The following CSMD1 variants were observed in gnomAD, a reference collection of about 807,000 sequenced individuals.
CSMD1 encodes CUB and Sushi multiple domains 1.
Under a neutral mutation model 417.5 loss-of-function variants are expected in CSMD1, and 213 were observed. That is an observed-to-expected ratio of 0.51 (90% confidence interval 0.46 to 0.57). The LOEUF (loss-of-function observed/expected upper bound fraction) is 0.57, where lower values mean the gene tolerates loss of function less well. CSMD1 is among the 20% of genes least tolerant of loss of function. The pLI, the probability that CSMD1 is intolerant of heterozygous loss-of-function variation, is 0.00. For synonymous variants in CSMD1, 2,862 were observed against 1,736.8 expected, an observed-to-expected ratio of 1.65 and a Z score of -16.11; for missense variants, 6,923 against 4,529.7, an observed-to-expected ratio of 1.53 and a Z score of -15.17.
chr8:3,384,024 A>C (rs983985149), intron 18 of CSMD1, among the ~76,000 whole-genome samples: 3 of 152,074 alleles, frequency 2.0e-5, no homozygotes, highest in African/African-American at 7.2e-5. Context: ...AGTGCCAGAC[A>C]ATTAAGGTTC....
chr8:4,407,335 T>C (rs919233249), intron 3 of CSMD1, among the ~76,000 whole-genome samples: 3 of 152,208 alleles, frequency 2.0e-5, no homozygotes, highest in East Asian at 1.9e-4. Context: ...TGAAAACATA[T>C]ACAATAACTT....
intron 1 of CSMD1, among the ~76,000 whole-genome samples, chr8:4,884,334 G>A (rs1428256684): frequency 6.6e-6 from 1 of 151,866 alleles, no homozygotes; most frequent in African/African-American, 2.4e-5. Context: ...TTATCTTTGT[G>A]TTTTCCTGAT....
intron 3 of CSMD1, among the ~76,000 whole-genome samples, chr8:4,383,056 T>C (rs1315041138): frequency 2.6e-5 from 4 of 152,176 alleles, no homozygotes; most frequent in Non-Finnish European, 5.9e-5. Flanking sequence ...GCATTAGGAT[T>C]CGGGAGTAAT....
chr8:3,527,922 G>C, intron 10 of CSMD1, among the ~76,000 whole-genome samples: 1 of 152,164 alleles, frequency 6.6e-6, no homozygotes, highest in Non-Finnish European at 1.5e-5. Context: ...CTTGGTTGTA[G>C]GGCAGTTCTG....
intron 3 of CSMD1, among the ~76,000 whole-genome samples, chr8:4,348,940 C>G (rs541123488): frequency 1.3e-5 from 2 of 152,152 alleles, no homozygotes; most frequent in Non-Finnish European, 2.9e-5. Flanking sequence ...CTTAACCAGA[C>G]AGTGCCCTCA....
At chr8:3,138,846 G>A (rs978611956) in intron 41 of CSMD1, among the ~76,000 whole-genome samples, 9 of 152,178 alleles carry the variant, frequency 5.9e-5, no homozygotes, top group Non-Finnish European at 1.2e-4. Context: ...ACGATTTCCT[G>A]AAAATCTAAG....
chr8:4,975,512 C>T (rs187531359), intron 1 of CSMD1, among the ~76,000 whole-genome samples: 181 of 152,190 alleles, frequency 1.2e-3, no homozygotes, highest in African/African-American at 4.2e-3. Context: ...AGCAAAAGGC[C>T]AAATCACTTA....
At chr8:3,706,113 G>A (rs1398398687) in intron 7 of CSMD1, among the ~76,000 whole-genome samples, 1 of 152,216 alleles carries the variant, frequency 6.6e-6, no homozygotes, top group Admixed American at 6.5e-5. Flanking sequence ...CCTACCGTTC[G>A]CCCCGTGTGG....
intron 3 of CSMD1, among the ~76,000 whole-genome samples, chr8:4,381,610 G>C (rs748887437): frequency 2.6e-5 from 4 of 151,984 alleles, no homozygotes; most frequent in Non-Finnish European, 5.9e-5. Context: ...TTCCCGCCCT[G>C]AACACCCACT....
chr8:3,529,737 G>T (rs866778515), intron 10 of CSMD1, among the ~76,000 whole-genome samples: 1 of 152,052 alleles, frequency 6.6e-6, no homozygotes, highest in Non-Finnish European at 1.5e-5. Context: ...TTTACTCACA[G>T]GAAACGGAAT....
intron 1 of CSMD1, among the ~76,000 whole-genome samples, chr8:4,648,389 TG>T (rs1803673303): frequency 6.6e-6 from 1 of 152,154 alleles, no homozygotes; most frequent in African/African-American, 2.4e-5. Context: ...TGTCACCAAG[TG>T]GCCCCTAATG....
chr8:3,287,759 T>C (rs1043357301), intron 25 of CSMD1, among the ~76,000 whole-genome samples: 1 of 152,110 alleles, frequency 6.6e-6, no homozygotes, highest in Non-Finnish European at 1.5e-5. Context: ...CAGGGACAAT[T>C]TGACTTCCTC....
At chr8:4,836,010 G>A (rs771483694) in intron 1 of CSMD1, among the ~76,000 whole-genome samples, 5 of 152,050 alleles carry the variant, frequency 3.3e-5, no homozygotes, top group Admixed American at 6.6e-5. Flanking sequence ...TTCTAACTAG[G>A]ATGTGAAAAA....
chr8:3,094,004 CT>C (rs1815128171), intron 47 of CSMD1, among the ~76,000 whole-genome samples: 1 of 152,020 alleles, frequency 6.6e-6, no homozygotes, highest in Non-Finnish European at 1.5e-5. Flanking sequence ...TAAAATGCCA[CT>C]GGTAAATTAA....
At chr8:4,913,609 T>G (rs942896874) in intron 1 of CSMD1, among the ~76,000 whole-genome samples, 12 of 152,240 alleles carry the variant, frequency 7.9e-5, no homozygotes, top group African/African-American at 2.7e-4. Flanking sequence ...CCATATGTTT[T>G]GCAGTAGGTG....
chr8:4,325,947 C>G (rs574415566), intron 3 of CSMD1, among the ~76,000 whole-genome samples: 1 of 152,066 alleles, frequency 6.6e-6, no homozygotes, highest in Non-Finnish European at 1.5e-5. Flanking sequence ...TTTCTGTTCA[C>G]GGTCATATCA....
chr8:4,547,811 G>C (rs1285868416), intron 2 of CSMD1, among the ~76,000 whole-genome samples: 1 of 152,190 alleles, frequency 6.6e-6, no homozygotes, highest in Non-Finnish European at 1.5e-5. Context: ...TGTTAATGTG[G>C]CAGAGAGAAA....
chr8:3,406,074 A>G lies in CSMD1; in HGVS notation c.2219T>C (p.Leu740Pro), dbSNP rs1812325202. The G allele has an allele frequency of 6.2e-7, 1 of 1,613,984 alleles. No homozygotes were observed. The highest frequency in any genetic ancestry group is 8.5e-7 in the Non-Finnish European group (1 of 1,179,886). The change falls in exon 15 of 70, where the codon CTG (leucine) becomes CCG (proline). Residue 740 changes from leucine (L) to proline (P), a missense_variant. Transcript: ENST00000635120. ...TQGSESITCILQDGNVVWSST... is the reference protein window; with the variant it reads ...TQGSESITCIPQDGNVVWSST... ...GCTCCAGACCACGTTCCCGTCTTGCAGTATGCAGGTAATGGACTCGGATCC... is the reference window on the plus strand; with the variant it reads ...GCTCCAGACCACGTTCCCGTCTTGCGGTATGCAGGTAATGGACTCGGATCC...
intron 3 of CSMD1, among the ~76,000 whole-genome samples, chr8:4,384,938 A>C (rs1471303971): frequency 6.6e-6 from 1 of 152,138 alleles, no homozygotes; most frequent in Non-Finnish European, 1.5e-5. Flanking sequence ...AATCATCTTC[A>C]CATCAGGAAA....
Sources: allele counts gnomAD v4.1 joint callset (sites outside exome capture counted in the v4.1 genomes callset), GRCh38; gene constraint gnomAD v4.1.1; transcripts MANE v1.5; gene names NCBI Gene and HGNC (gene_info 2026-07-23, HGNC 2026-07-21).